The following GABRG3 variants were observed in gnomAD, a reference collection of about 807,000 sequenced individuals.
The protein encoded by GABRG3 is gamma-aminobutyric acid type A receptor subunit gamma3.
GABRG3 carries 25 observed loss-of-function variants against 48.8 expected under a neutral mutation model. The ratio of observed to expected loss-of-function variants is 0.51; its 90% CI spans 0.37 to 0.72. GABRG3 has a LOEUF of 0.72. Among genes scored for constraint, GABRG3 ranks in the 30% least tolerant of loss-of-function variants. The pLI is 0.00. For missense variants in GABRG3, 394 were observed against 577.9 expected (o/e 0.68, Z 3.26); for synonymous variants, 227 against 217.6 (o/e 1.04, Z -0.38).
intron 5 of GABRG3, among the ~76,000 whole-genome samples, chr15:27,478,537 C>CCTTG (rs1284704896): frequency 6.6e-6 from 1 of 152,088 alleles, no homozygotes; most frequent in Non-Finnish European, 1.5e-5. Context: ...AAATAGAAAC[C>CCTTG]CTTGTACATT....
At chr15:27,000,637 C>G (rs777900632) in intron 2 of GABRG3, among the ~76,000 whole-genome samples, 1 of 152,072 alleles carries the variant, frequency 6.6e-6, no homozygotes, top group Non-Finnish European at 1.5e-5. Context: ...ATCGCCTCCC[C>G]CCACCACCAC....
intron 3 of GABRG3, among the ~76,000 whole-genome samples, chr15:27,124,826 G>A (rs537913130): frequency 1.3e-5 from 2 of 152,180 alleles, no homozygotes; most frequent in African/African-American, 2.4e-5. Flanking sequence ...AGCTGTTCTG[G>A]TTCCTTTGAA....
At chr15:27,102,198 A>G (rs1350042791) in intron 3 of GABRG3, among the ~76,000 whole-genome samples, 3 of 152,196 alleles carry the variant, frequency 2.0e-5, no homozygotes, top group Non-Finnish European at 4.4e-5. Flanking sequence ...CAATGTTAGG[A>G]GCTGGGAGAG....
rs370999417 is a variant in GABRG3, at chr15:27,326,820, T to C, written c.282T>C (p.Ile94=). 1.9e-6 allele frequency: 3 copies of C among 1,613,290 alleles called. No homozygotes were observed. The highest frequency in any genetic ancestry group is 2.5e-6 in the Non-Finnish European group (3 of 1,179,394). The change falls in exon 4 of 10, where the codon ATT becomes ATC. Residue 94 remains isoleucine, a synonymous_variant. Coordinates refer to ENST00000615808, the MANE Select transcript of GABRG3 (RefSeq NM_033223.5). ...CTGCTCTGTTTCAGGAATACCAAAT[T>C]GACATATTTTTTGCTCAGACCTGGA... The part of the protein sequence containing the change: ...PVSSINMEYQ[I]DIFFAQTWTD...
At chr15:27,288,802 A>G (rs1017289595) in intron 3 of GABRG3, among the ~76,000 whole-genome samples, 2 of 152,098 alleles carry the variant, frequency 1.3e-5, no homozygotes, top group African/African-American at 2.4e-5. Context: ...AGCTCGTCCA[A>G]ATTTCCACAT....
chr15:27,536,407 C>T lies in GABRG3; in HGVS notation c.*3526C>T, dbSNP rs138428214. On this transcript the variant is annotated 3_prime_UTR_variant, in exon 10 of 10. Coordinates refer to ENST00000615808, the MANE Select transcript of GABRG3 (RefSeq NM_033223.5). The stretch of plus-strand genomic sequence containing the variant: ...AACAGAAAGCTCAAATAATACACAT[C>T]TTTTAAGATTTTCCATTTCCTGCAG... The T allele has an allele frequency of 1.3e-5, 2 of 152,162 alleles. No individual in the cohort carries two copies. The highest frequency in any genetic ancestry group is 1.3e-4 in the Admixed American group (2 of 15,268). 9.4% of individuals were successfully genotyped at this position (152,162 alleles called of 1,614,324 possible). A position where few individuals can be genotyped will look rare whatever the true frequency, so the allele number is the denominator to read the frequency against.
At chr15:27,177,441 T>C (rs1887782887) in intron 3 of GABRG3, among the ~76,000 whole-genome samples, 1 of 152,246 alleles carries the variant, frequency 6.6e-6, no homozygotes, top group Non-Finnish European at 1.5e-5. Context: ...ATTTTAGCAG[T>C]ATTCAAGCCC....
chr15:27,532,461 C>T, intron 9 of GABRG3, 139 bp from the exon 10 acceptor site: 1 of 649,842 alleles, frequency 1.5e-6, no homozygotes, highest in African/African-American at 2.9e-5. Context: ...CAACTCTCTC[C>T]AGCATGGGGG....
At chr15:27,314,209 T>G (rs555551169) in intron 3 of GABRG3, among the ~76,000 whole-genome samples, 1 of 152,298 alleles carries the variant, frequency 6.6e-6, no homozygotes, top group Non-Finnish European at 1.5e-5. Context: ...TCCTACAATT[T>G]GACACATACA....
At chr15:27,113,858 G>C (rs1453865513) in intron 3 of GABRG3, among the ~76,000 whole-genome samples, 1 of 152,202 alleles carries the variant, frequency 6.6e-6, no homozygotes, top group Non-Finnish European at 1.5e-5. Flanking sequence ...GTAATTCGTA[G>C]AGGAAAAGGT....
At chr15:27,031,439 C>A (rs745590913) in intron 3 of GABRG3, among the ~76,000 whole-genome samples, 8 of 152,146 alleles carry the variant, frequency 5.3e-5, no homozygotes, top group Admixed American at 2.6e-4. Flanking sequence ...TGTAGGATGG[C>A]TTTTTTTCCT....
At chr15:27,393,284 C>G (rs112024342) in intron 5 of GABRG3, among the ~76,000 whole-genome samples, 1 of 148,920 alleles carries the variant, frequency 6.7e-6, no homozygotes, top group Non-Finnish European at 1.5e-5. Flanking sequence ...GTGGAGCTTG[C>G]AGTGAGCTGA....
intron 2 of GABRG3, among the ~76,000 whole-genome samples, chr15:27,003,950 T>C (rs1218813561): frequency 7.1e-6 from 1 of 141,606 alleles, no homozygotes; most frequent in East Asian, 2.2e-4. Flanking sequence ...GCCCCTCACC[T>C]CCTGGACGGG....
At chr15:27,085,421 A>G (rs1897059939) in intron 3 of GABRG3, among the ~76,000 whole-genome samples, 1 of 152,228 alleles carries the variant, frequency 6.6e-6, no homozygotes, top group African/African-American at 2.4e-5. Context: ...ATATTTACAC[A>G]GGCACCCTTA....
intron 3 of GABRG3, among the ~76,000 whole-genome samples, chr15:27,064,249 A>G (rs1595501934): frequency 6.6e-6 from 1 of 152,088 alleles, no homozygotes; most frequent in East Asian, 1.9e-4. Flanking sequence ...GAGGTGTGAG[A>G]AGCAGATGGC....
intron 3 of GABRG3, among the ~76,000 whole-genome samples, chr15:27,196,418 A>G (rs986445208): frequency 2.0e-5 from 3 of 152,206 alleles, no homozygotes; most frequent in Admixed American, 6.5e-5. Flanking sequence ...GAACTCTCCC[A>G]GGGCTCAGCC....
chr15:27,311,534 T>C (rs1892992505), intron 3 of GABRG3, among the ~76,000 whole-genome samples: 1 of 152,016 alleles, frequency 6.6e-6, no homozygotes, highest in Admixed American at 6.6e-5. Flanking sequence ...TCGCCACAGC[T>C]TTCTCTCCAG....
chr15:27,273,376 G>A (rs1891150305), intron 3 of GABRG3, among the ~76,000 whole-genome samples: 1 of 152,218 alleles, frequency 6.6e-6, no homozygotes, highest in African/African-American at 2.4e-5. Flanking sequence ...CCTGCTTTGA[G>A]CCATCAGGTC....
At chr15:27,019,305 C>T (rs572625697) in intron 2 of GABRG3, among the ~76,000 whole-genome samples, 17 of 152,048 alleles carry the variant, frequency 1.1e-4, no homozygotes, top group South Asian at 1.0e-3. Flanking sequence ...CTCCTGACCT[C>T]GTGATCCCCC....
Sources: gnomAD v4.1 joint callset for allele counts (sites outside exome capture counted in the v4.1 genomes callset) on GRCh38, gnomAD v4.1.1 for gene constraint, MANE v1.5 for transcripts, NCBI Gene and HGNC (gene_info 2026-07-23, HGNC 2026-07-21) for gene names.